The following UBE3D variants were observed in gnomAD, a reference collection of about 807,000 sequenced individuals.
UBE3D encodes the protein ubiquitin protein ligase E3D.
UBE3D carries 48 observed loss-of-function variants against 49.6 expected under a neutral mutation model. The ratio of observed to expected loss-of-function variants is 0.97; its 90% CI spans 0.77 to 1.23. UBE3D has a LOEUF of 1.23. UBE3D is among the 50% of genes most tolerant of loss of function. The probability of loss-of-function intolerance (pLI) is 0.00; values close to 1 mark genes in which losing one functional copy is unlikely to be tolerated. For missense variants in UBE3D, 452 were observed against 468.4 expected (o/e 0.96, Z 0.32); for synonymous variants, 189 against 174.2 (o/e 1.08, Z -0.67).
At chr6:82,930,212 T>C (rs545429328) in intron 9 of UBE3D, among the ~76,000 whole-genome samples, 53 of 152,276 alleles carry the variant, frequency 3.5e-4, no homozygotes, top group Non-Finnish European at 6.0e-4. Flanking sequence ...CATTTCCCCT[T>C]TTGCCACTAC....
At chr6:83,045,545 A>G (rs1026492012) in intron 3 of UBE3D, among the ~76,000 whole-genome samples, 20 of 151,892 alleles carry the variant, frequency 1.3e-4, no homozygotes, top group Non-Finnish European at 2.9e-4. Flanking sequence ...ATCTGTTACA[A>G]ATTTTTTTGG....
chr6:82,896,664 T>C (rs1013034777), intron 9 of UBE3D, among the ~76,000 whole-genome samples: 1 of 152,230 alleles, frequency 6.6e-6, no homozygotes, highest in Admixed American at 6.5e-5. Context: ...CATTTTTTAA[T>C]GTTATTTTAC....
At chr6:83,004,702 A>G (rs761498264) in intron 8 of UBE3D, among the ~76,000 whole-genome samples, 5 of 152,240 alleles carry the variant, frequency 3.3e-5, no homozygotes, top group Non-Finnish European at 5.9e-5. Flanking sequence ...ATAAGTTAGC[A>G]TAAATTGTTT....
intron 9 of UBE3D, among the ~76,000 whole-genome samples, chr6:82,950,840 A>C (rs376378450): frequency 2.0e-5 from 3 of 152,180 alleles, no homozygotes; most frequent in African/African-American, 4.8e-5. Context: ...TGTTAAGTGA[A>C]ATAAGCCAGG....
chr6:82,981,319 G>A (rs1247808840), intron 8 of UBE3D, among the ~76,000 whole-genome samples: 1 of 152,048 alleles, frequency 6.6e-6, no homozygotes, highest in African/African-American at 2.4e-5. Context: ...ACAGCATACA[G>A]GATAGGTTTT....
At chr6:82,905,338 A>G (rs529454202) in intron 9 of UBE3D, among the ~76,000 whole-genome samples, 1 of 152,234 alleles carries the variant, frequency 6.6e-6, no homozygotes, top group South Asian at 2.1e-4. Flanking sequence ...CTTTAATATT[A>G]TACCTGTTAC....
chr6:83,039,216 C>T (rs1782475074), intron 4 of UBE3D, among the ~76,000 whole-genome samples: 1 of 152,172 alleles, frequency 6.6e-6, no homozygotes, highest in Non-Finnish European at 1.5e-5. Context: ...TGTAACAAGG[C>T]AGAAGCCATA....
chr6:83,052,226 T>G (rs1783517424), intron 3 of UBE3D, among the ~76,000 whole-genome samples: 1 of 152,166 alleles, frequency 6.6e-6, no homozygotes, highest in Non-Finnish European at 1.5e-5. Flanking sequence ...GTCACACTGC[T>G]AGTAAATGGC....
chr6:82,892,042 C>T (rs573685894), downstream of UBE3D, among the ~76,000 whole-genome samples: 9 of 151,796 alleles, frequency 5.9e-5, no homozygotes, highest in East Asian at 5.8e-4. Context: ...AGAAAATTTG[C>T]GGATAGAAAA....
At chr6:82,937,948 G>A (rs912330177) in intron 9 of UBE3D, among the ~76,000 whole-genome samples, 12 of 152,036 alleles carry the variant, frequency 7.9e-5, no homozygotes, top group East Asian at 1.9e-4. Context: ...GAGGTCTTAC[G>A]GCATCAACTC....
At chr6:83,027,413 C>T (rs141485706) in intron 5 of UBE3D, among the ~76,000 whole-genome samples, 4,973 of 108,586 alleles carry the variant, frequency 0.046, 144 homozygotes, top group Middle Eastern at 0.14. Context: ...TCCAGCCTGG[C>T]GACAGAGCGA....
intron 9 of UBE3D, among the ~76,000 whole-genome samples, chr6:82,913,184 G>A (rs567327659): frequency 2.0e-5 from 3 of 152,272 alleles, no homozygotes; most frequent in African/African-American, 7.2e-5. Flanking sequence ...GTGAAAAACA[G>A]AAATAGCTGC....
At chr6:82,986,126 TG>T (rs2127725315) in intron 8 of UBE3D, among the ~76,000 whole-genome samples, 1 of 152,308 alleles carries the variant, frequency 6.6e-6, no homozygotes, top group African/African-American at 2.4e-5. Flanking sequence ...GACATTTTAA[TG>T]ATAGTTACCG....
intron 8 of UBE3D, among the ~76,000 whole-genome samples, chr6:83,009,636 A>G (rs1212363041): frequency 7.2e-6 from 1 of 139,056 alleles, no homozygotes; most frequent in African/African-American, 2.6e-5. Context: ...TTATATCTAT[A>G]AAAAGAGATT....
In UBE3D at chr6:82,921,309, C is replaced by T. The variant is rs992356041; in HGVS notation, c.1150-28267G>A. On this transcript the variant is annotated intron_variant, in intron 9 of 9. Coordinates refer to ENST00000369747, the MANE Select transcript of UBE3D (RefSeq NM_198920.3). ...GAGCTATCAGGAGAATAACCAAATC[C>T]TCTGAGGTAGGAAAAATTCCTGAAG... Among the ~76,000 whole-genome samples, 8 of 152,090 alleles carry T rather than the reference C, an allele frequency of 5.3e-5. No homozygotes were observed. In the South Asian group the frequency reaches 6.2e-4, roughly 12 times the overall value.
chr6:82,913,641 T>C (rs1283619246), intron 9 of UBE3D, among the ~76,000 whole-genome samples: 1 of 152,176 alleles, frequency 6.6e-6, no homozygotes, highest in Non-Finnish European at 1.5e-5. Context: ...TTACTTTAAA[T>C]GAGTCAAGGG....
chr6:83,022,460 T>C lies in UBE3D; in HGVS notation c.839A>G (p.Tyr280Cys), dbSNP rs1224345821. The change falls in exon 7 of 10, where the codon TAT becomes TGT. Residue 280 changes from tyrosine (Y) to cysteine (C), a missense_variant. By Grantham distance (194) the Tyr-to-Cys change is radical (BLOSUM62 -2). Transcript: ENST00000369747. ...GATAAAATAATTTCTTACCAAGATATACACTTTGTCATCCTGACCTTGAAT... is the reference window on the plus strand; with the variant it reads ...GATAAAATAATTTCTTACCAAGATACACACTTTGTCATCCTGACCTTGAAT... ...FTIQGQDDKV[Y>C]ILLWLLNSDS... The C allele has an allele frequency of 4.4e-6, 7 of 1,593,372 alleles. No homozygotes were observed. The highest frequency in any genetic ancestry group is 2.3e-5 in the South Asian group (2 of 87,608).
intron 8 of UBE3D, among the ~76,000 whole-genome samples, chr6:82,964,554 T>C (rs556912758): frequency 6.6e-6 from 1 of 152,294 alleles, no homozygotes; most frequent in South Asian, 2.1e-4. Context: ...AAAGAGCCTA[T>C]TAAAGATATT....
intron 8 of UBE3D, among the ~76,000 whole-genome samples, chr6:82,993,443 G>A (rs144409399): frequency 2.5e-4 from 38 of 152,242 alleles, no homozygotes; most frequent in African/African-American, 8.7e-4. Context: ...ATCCACCCAT[G>A]TTCAAGTCCC....
Sources: allele counts gnomAD v4.1 joint callset (sites outside exome capture counted in the v4.1 genomes callset), GRCh38; gene constraint gnomAD v4.1.1; transcripts MANE v1.5; gene names NCBI Gene and HGNC (gene_info 2026-07-23, HGNC 2026-07-21).